The following LRRIQ1 variants were observed in gnomAD, a reference collection of about 807,000 sequenced individuals.
LRRIQ1 encodes the protein leucine-rich repeat- and IQ domain-containing protein 1.
Under a neutral mutation model 211.9 loss-of-function variants are expected in LRRIQ1, and 210 were observed. The observed-to-expected ratio is 0.99, with a 90% CI of 0.89 to 1.11. The LOEUF (loss-of-function observed/expected upper bound fraction) is 1.11, where lower values mean the gene tolerates loss of function less well. Among genes scored for constraint, LRRIQ1 ranks in the 50% most tolerant of loss-of-function variants. The pLI, the probability that LRRIQ1 is intolerant of heterozygous loss-of-function variation, is 0.00. For synonymous variants in LRRIQ1, 699 were observed against 650.1 expected, an observed-to-expected ratio of 1.08 and a Z score of -1.14; for missense variants, 2,136 against 1,939.5, an observed-to-expected ratio of 1.10 and a Z score of -1.90.
At chr12:85,220,412 A>C (rs1316301400) in intron 24 of LRRIQ1, among the ~76,000 whole-genome samples, 1 of 152,056 alleles carries the variant, frequency 6.6e-6, no homozygotes, top group Non-Finnish European at 1.5e-5. Flanking sequence ...AAACTGATTT[A>C]TTTGAAGCAT....
At chr12:85,264,165 T>A (rs1473584104) in exon 2 of LRRIQ1, 3 of 152,088 alleles carry the variant, frequency 2.0e-5, no homozygotes, top group East Asian at 3.8e-4. Context: ...TACTTTTGGA[T>A]CCCTATTGCA....
intron 14 of LRRIQ1, among the ~76,000 whole-genome samples, chr12:85,104,869 TC>T (rs1487816327): frequency 6.6e-6 from 1 of 152,060 alleles, no homozygotes; most frequent in Non-Finnish European, 1.5e-5. Flanking sequence ...CATACTATTT[TC>T]CAAAGTAGTT....
intron 1 of LRRIQ1, among the ~76,000 whole-genome samples, chr12:85,250,995 TTA>T (rs1895927297): frequency 8.2e-6 from 1 of 122,542 alleles, no homozygotes; most frequent in African/African-American, 3.1e-5. Flanking sequence ...ATATATTATA[TTA>T]TATATAATAT....
chr12:85,100,396 T>C (rs1402143652), intron 13 of LRRIQ1, among the ~76,000 whole-genome samples: 1 of 151,730 alleles, frequency 6.6e-6, no homozygotes, highest in Non-Finnish European at 1.5e-5. Flanking sequence ...GAGAATTAAA[T>C]ATTTTTTAGA....
At chr12:85,132,245 G>A (rs995386059) in intron 18 of LRRIQ1, among the ~76,000 whole-genome samples, 2 of 151,790 alleles carry the variant, frequency 1.3e-5, no homozygotes, top group Non-Finnish European at 2.9e-5. Context: ...ATTTTAAAAA[G>A]GGAGGAAGGT....
chr12:85,188,418 T>G (rs1165107886), intron 24 of LRRIQ1, among the ~76,000 whole-genome samples: 1 of 152,158 alleles, frequency 6.6e-6, no homozygotes, highest in Non-Finnish European at 1.5e-5. Context: ...GCACAACTGG[T>G]GGCAACTCAG....
chr12:85,263,312 A>G (rs1336792658), exon 2 of LRRIQ1: 1 of 152,846 alleles, frequency 6.5e-6, no homozygotes, highest in Non-Finnish European at 1.5e-5. Context: ...GAACTTGCAT[A>G]TCCAGTTTTT....
At chr12:85,129,924 G>A (rs1390901595) in intron 18 of LRRIQ1, among the ~76,000 whole-genome samples, 1 of 152,172 alleles carries the variant, frequency 6.6e-6, no homozygotes, top group Non-Finnish European at 1.5e-5. Context: ...GCACGGACCC[G>A]AGTATCAGCA....
At chr12:85,061,229 T>C (rs1264087396) in intron 8 of LRRIQ1, among the ~76,000 whole-genome samples, 1 of 151,780 alleles carries the variant, frequency 6.6e-6, no homozygotes, top group African/African-American at 2.4e-5. Context: ...CACATACGAT[T>C]ACTAATTCTA....
Position 85,244,900 on chromosome 12 carries a change from G to A in LRRIQ1, c.5128G>A (p.Gly1710Arg), listed in dbSNP as rs1895649165. The change falls in exon 27 of 27, where the codon GGA (glycine) becomes AGA (arginine). Residue 1710 changes from glycine (G) to arginine (R), a missense_variant. Gly to Arg is a moderately radical substitution (Grantham distance 125). Transcript: ENST00000393217. ...KKNQAHRHSA[G>R]SSSKLWFPSK... ...AAATCAGGCACACAGACACTCAGCA[G>A]GATCTTCAAGTAAGTTGTGGTTTCC... is the stretch of plus-strand genomic sequence containing the variant. 25 of 1,611,322 alleles carry A rather than the reference G, an allele frequency of 1.6e-5. No individual in the cohort carries two copies. The East Asian group carries it at 5.1e-4, about 33-fold the overall frequency.
chr12:85,146,936 C>A (rs1451308075), intron 19 of LRRIQ1, among the ~76,000 whole-genome samples: 1 of 151,746 alleles, frequency 6.6e-6, no homozygotes, highest in African/African-American at 2.4e-5. Flanking sequence ...ATATTACCTT[C>A]CATGCATTTT....
chr12:85,175,531 T>C (rs1335807552), intron 24 of LRRIQ1, among the ~76,000 whole-genome samples: 5 of 152,166 alleles, frequency 3.3e-5, no homozygotes, highest in Admixed American at 6.5e-5. Context: ...TAAATAATCA[T>C]TGGCTTCGTT....
chr12:85,099,937 T>C (rs1886218144), intron 13 of LRRIQ1, among the ~76,000 whole-genome samples: 1 of 151,788 alleles, frequency 6.6e-6, no homozygotes, highest in Admixed American at 6.6e-5. Flanking sequence ...TTTAATCCAA[T>C]GTAAAATTTA....
In LRRIQ1 at chr12:85,124,358, A is replaced by G. The variant is rs1295596135; in HGVS notation, c.3846A>G (p.Thr1282=). 6.2e-7 allele frequency: 1 copy of G among 1,614,028 alleles called. No homozygotes were observed. The highest frequency in any genetic ancestry group is 8.5e-7 in the Non-Finnish European group (1 of 1,180,038). The stretch of plus-strand genomic sequence containing the variant: ...ACTCCCCATTAAGCAAATCCGCCAC[A>G]TGTGAAAATATGGAAGGAAGACATC... ...SSHSPLSKSA[T]CENMEGRHQE... Residue 1282 remains threonine, a synonymous_variant, in exon 17 of 27, where the codon ACA becomes ACG. Transcript: ENST00000393217.
At chr12:85,197,147 T>A (rs1196378946) in intron 24 of LRRIQ1, among the ~76,000 whole-genome samples, 27 of 151,176 alleles carry the variant, frequency 1.8e-4, no homozygotes, top group Admixed American at 3.3e-4. Context: ...CACACCAGTT[T>A]GAATGGCAAT....
chr12:85,057,083 A>G lies in LRRIQ1; in HGVS notation c.2290A>G (p.Ile764Val). ...TTTCAAGCAAAATCAACAAAAGAAA[A>G]TTGTTAGAAGAAAGAGACCTGTGAA... is the stretch of plus-strand genomic sequence containing the variant. Reference protein sequence around the residue: ...EIFKQNQQKKIVRRKRPVKCP... With the variant: ...EIFKQNQQKKVVRRKRPVKCP... The change falls in exon 8 of 27, where the codon ATT becomes GTT. Residue 764 changes from isoleucine to valine, a missense_variant. Physicochemically the swap from Ile to Val is conservative, Grantham distance 29 (BLOSUM62 3). Coordinates refer to ENST00000393217, the MANE Select transcript of LRRIQ1 (RefSeq NM_001079910.2). 6.2e-7 allele frequency: 1 copy of G among 1,608,778 alleles called. No individual in the cohort carries two copies. Among genetic ancestry groups the G allele is most frequent in the South Asian group, 1.1e-5 (1 of 89,804 alleles).
At chr12:85,270,333 A>T in the LRRIQ1 span, among the ~76,000 whole-genome samples, 1 of 152,100 alleles carries the variant, frequency 6.6e-6, no homozygotes, top group South Asian at 2.1e-4. Flanking sequence ...TAGGAGTAGG[A>T]TCCCCATCTC....
intron 24 of LRRIQ1, among the ~76,000 whole-genome samples, chr12:85,174,301 A>G (rs995733951): frequency 1.3e-5 from 2 of 151,988 alleles, no homozygotes; most frequent in African/African-American, 2.4e-5. Context: ...TTGATAAATA[A>G]GTCTCCCAGA....
intron 6 of LRRIQ1, chr12:85,048,011 A>G (rs1426100304): frequency 6.5e-6 from 1 of 153,356 alleles, no homozygotes; most frequent in Non-Finnish European, 1.4e-5. Flanking sequence ...GGAGATCCAC[A>G]CAATCAGATC....
Sources: allele counts gnomAD v4.1 joint callset (sites outside exome capture counted in the v4.1 genomes callset), GRCh38; gene constraint gnomAD v4.1.1; transcripts MANE v1.5; gene names NCBI Gene and HGNC (gene_info 2026-07-23, HGNC 2026-07-21).